The following ST8SIA2 variants were observed in gnomAD, a reference collection of about 807,000 sequenced individuals.
ST8SIA2 encodes alpha-2,8-sialyltransferase 8B.
In ST8SIA2, 22 loss-of-function variants were observed where a neutral mutation model predicts 37.6. That is an observed-to-expected ratio of 0.58 (90% confidence interval 0.42 to 0.83). The LOEUF (loss-of-function observed/expected upper bound fraction) is 0.83, where lower values mean the gene tolerates loss of function less well. Among genes scored for constraint, ST8SIA2 ranks in the 40% least tolerant of loss-of-function variants. The pLI is 0.00. For synonymous variants in ST8SIA2, 205 were observed against 201.2 expected, an observed-to-expected ratio of 1.02 and a Z score of -0.16; for missense variants, 382 against 484.7, an observed-to-expected ratio of 0.79 and a Z score of 1.99.
chr15:92,394,203 G>C, intron 1 of ST8SIA2, 41 bp downstream of exon 1: 1 of 1,503,614 alleles, frequency 6.7e-7, no homozygotes. Context: ...AGCCCTGGCG[G>C]GATCTCTCCC....
intron 5 of ST8SIA2, among the ~76,000 whole-genome samples, chr15:92,459,311 C>T (rs1175638424): frequency 6.6e-6 from 1 of 152,116 alleles, no homozygotes; most frequent in African/African-American, 2.4e-5. Context: ...GGTGGCTCGA[C>T]GATCCCTGGG....
At chr15:92,417,240 C>A (rs2049593650) in intron 1 of ST8SIA2, among the ~76,000 whole-genome samples, 1 of 152,124 alleles carries the variant, frequency 6.6e-6, no homozygotes, top group Non-Finnish European at 1.5e-5. Flanking sequence ...ATCCATCCTC[C>A]TTCCATCTGA....
At chr15:92,438,087 G>A (rs894747796) in intron 3 of ST8SIA2, among the ~76,000 whole-genome samples, 1 of 152,210 alleles carries the variant, frequency 6.6e-6, no homozygotes, top group African/African-American at 2.4e-5. Context: ...CTAATGGAGT[G>A]ATTCCACAGG....
At chr15:92,401,318 G>A (rs1438793206) in intron 1 of ST8SIA2, among the ~76,000 whole-genome samples, 5 of 152,222 alleles carry the variant, frequency 3.3e-5, no homozygotes, top group African/African-American at 9.7e-5. Context: ...CAGAGCCAAG[G>A]CTGGTCCTTA....
At chr15:92,415,737 C>G (rs914011796) in intron 1 of ST8SIA2, among the ~76,000 whole-genome samples, 5 of 152,070 alleles carry the variant, frequency 3.3e-5, no homozygotes, top group Non-Finnish European at 7.4e-5. Flanking sequence ...AAAGGTCGAA[C>G]ATGCAAGCCC....
intron 1 of ST8SIA2, among the ~76,000 whole-genome samples, chr15:92,420,303 T>C (rs1167566548): frequency 6.6e-6 from 1 of 151,998 alleles, no homozygotes; most frequent in African/African-American, 2.4e-5. Flanking sequence ...AGTTATATTG[T>C]CCCCCCGCCG....
At chr15:92,420,729 T>C (rs912658902) in intron 1 of ST8SIA2, 3 of 152,162 alleles carry the variant, frequency 2.0e-5, no homozygotes, top group African/African-American at 7.2e-5. Flanking sequence ...ATTCTCCCCA[T>C]TGGCCCCTGC....
intron 5 of ST8SIA2, among the ~76,000 whole-genome samples, chr15:92,461,315 C>A (rs930646679): frequency 2.6e-5 from 4 of 151,384 alleles, no homozygotes; most frequent in African/African-American, 9.7e-5. Flanking sequence ...TGGCTGTGTT[C>A]CCCTGGAATC....
intron 4 of ST8SIA2, among the ~76,000 whole-genome samples, chr15:92,441,606 C>T (rs997222561): frequency 1.3e-5 from 2 of 151,698 alleles, no homozygotes; most frequent in African/African-American, 4.9e-5. Context: ...CACACACACA[C>T]ACACACACAC....
intron 1 of ST8SIA2, among the ~76,000 whole-genome samples, chr15:92,397,394 T>C (rs560251074): frequency 6.6e-6 from 1 of 152,282 alleles, no homozygotes; most frequent in African/African-American, 2.4e-5. Context: ...GAGACACACA[T>C]CTCTTTTCCT....
Position 92,464,960 on chromosome 15 carries a change from C to T in ST8SIA2, c.*575C>T, listed in dbSNP as rs1221433475. On this transcript the variant is annotated 3_prime_UTR_variant, in exon 6 of 6. Transcript: ENST00000268164. Reference sequence around the variant, plus strand: ...CATCAGCACAGAGGGCCTCGTTCCACGAACGTAGAGTTTGACTGCCTAAGG... The same window carrying T: ...CATCAGCACAGAGGGCCTCGTTCCATGAACGTAGAGTTTGACTGCCTAAGG... 4 of 157,944 alleles carry T rather than the reference C, an allele frequency of 2.5e-5. No homozygotes were observed. The highest frequency in any genetic ancestry group is 5.6e-5 in the Non-Finnish European group (4 of 71,348). 9.8% of individuals were successfully genotyped at this position (157,944 alleles called of 1,614,324 possible). A position where few individuals can be genotyped will look rare whatever the true frequency, so the allele number is the denominator to read the frequency against.
chr15:92,395,304 C>G (rs959253004), intron 1 of ST8SIA2, among the ~76,000 whole-genome samples: 4 of 152,218 alleles, frequency 2.6e-5, no homozygotes, highest in Non-Finnish European at 5.9e-5. Flanking sequence ...CCTCCTTTGT[C>G]CCATTTGTTA....
At chr15:92,461,039 AGAAAGGGGCAT>A (rs1453454884) in intron 5 of ST8SIA2, among the ~76,000 whole-genome samples, 1 of 152,156 alleles carries the variant, frequency 6.6e-6, no homozygotes, top group Admixed American at 6.5e-5. Context: ...TTGGAGAGAG[AGAAAGGGGCAT>A]GAAATGGGCC....
intron 1 of ST8SIA2, among the ~76,000 whole-genome samples, chr15:92,409,113 T>G (rs1442026620): frequency 6.6e-6 from 1 of 152,164 alleles, no homozygotes; most frequent in Non-Finnish European, 1.5e-5. Context: ...GAATCCGCAG[T>G]TCTATATGGG....
intron 5 of ST8SIA2, among the ~76,000 whole-genome samples, chr15:92,458,897 T>C (rs1231418340): frequency 6.6e-6 from 1 of 152,180 alleles, no homozygotes; most frequent in Non-Finnish European, 1.5e-5. Flanking sequence ...CTGGAGGTGG[T>C]TAACAGTCTG....
At chr15:92,446,306 G>A (rs1257067159) in intron 5 of ST8SIA2, among the ~76,000 whole-genome samples, 1 of 152,222 alleles carries the variant, frequency 6.6e-6, no homozygotes, top group Non-Finnish European at 1.5e-5. Context: ...AGAGTGGTCA[G>A]ACGTGTACAT....
intron 5 of ST8SIA2, among the ~76,000 whole-genome samples, chr15:92,453,102 C>A (rs186850460): frequency 2.0e-5 from 3 of 152,158 alleles, no homozygotes; most frequent in South Asian, 4.2e-4. Context: ...CTGTAAATTG[C>A]AGATGAGGAG....
intron 5 of ST8SIA2, among the ~76,000 whole-genome samples, chr15:92,457,880 G>A (rs1366984527): frequency 6.6e-6 from 1 of 152,176 alleles, no homozygotes; most frequent in African/African-American, 2.4e-5. Context: ...CTCATTTGCT[G>A]TTAACACCTT....
chr15:92,423,811 G>A (rs577476035), intron 1 of ST8SIA2, among the ~76,000 whole-genome samples: 2 of 152,324 alleles, frequency 1.3e-5, no homozygotes, highest in East Asian at 3.9e-4. Flanking sequence ...ATTTTGAAGG[G>A]AACGAAACAT....
Sources: allele counts gnomAD v4.1 joint callset (sites outside exome capture counted in the v4.1 genomes callset), GRCh38; gene constraint gnomAD v4.1.1; transcripts MANE v1.5; gene names NCBI Gene and HGNC (gene_info 2026-07-23, HGNC 2026-07-21).